Variants in XXYLT1 observed in about 807,000 individuals in gnomAD.
The protein encoded by XXYLT1 is xyloside xylosyltransferase 1.
A neutral mutation model predicts 28.9 loss-of-function variants in XXYLT1; 20 were observed. That is an observed-to-expected ratio of 0.69 (90% CI 0.49 to 1.00). XXYLT1 has a LOEUF of 1.00. Ranked by LOEUF, XXYLT1 falls within the 50% of genes least tolerant of loss-of-function variation. XXYLT1 has a pLI of 0.00. For synonymous variants in XXYLT1, 257 were observed against 253.8 expected, an observed-to-expected ratio of 1.01 and a Z score of -0.12; for missense variants, 542 against 560.1, an observed-to-expected ratio of 0.97 and a Z score of 0.33.
chr3:195,069,581 G>C lies in XXYLT1; in HGVS notation c.*134C>G. On this transcript the variant is annotated 3_prime_UTR_variant, in exon 4 of 4. Coordinates refer to ENST00000310380, the MANE Select transcript of XXYLT1 (RefSeq NM_152531.5). ...CAGCACAGTGACCTGCCCGGCAGGA[G>C]GTCTCAGCACCTTAATCACAGGACT... 1 of 1,325,612 alleles carries C rather than the reference G, an allele frequency of 7.5e-7. No homozygotes were observed. Among genetic ancestry groups the C allele is most frequent in the Admixed American group, 2.3e-5 (1 of 43,984 alleles). 82.1% of individuals were successfully genotyped at this position (1,325,612 alleles called of 1,614,324 possible).
intron 1 of XXYLT1, among the ~76,000 whole-genome samples, chr3:195,234,668 C>CT (rs1724457718): frequency 6.6e-6 from 1 of 152,090 alleles, no homozygotes; most frequent in African/African-American, 2.4e-5. Context: ...CCCTTCAACA[C>CT]TTTAAGTATG....
intron 3 of XXYLT1, among the ~76,000 whole-genome samples, chr3:195,103,863 G>C (rs554294363): frequency 6.6e-6 from 1 of 152,350 alleles, no homozygotes; most frequent in African/African-American, 2.4e-5. Flanking sequence ...GGGGTCATAT[G>C]CTTCTGATTA....
intron 1 of XXYLT1, among the ~76,000 whole-genome samples, chr3:195,259,163 G>C (rs1725587076): frequency 6.6e-6 from 1 of 152,276 alleles, no homozygotes; most frequent in South Asian, 2.1e-4. Flanking sequence ...GCCAGCCTCT[G>C]GGAGACTAGT....
intron 2 of XXYLT1, among the ~76,000 whole-genome samples, chr3:195,167,922 A>G (rs1411995878): frequency 6.6e-6 from 1 of 152,236 alleles, no homozygotes; most frequent in East Asian, 1.9e-4. Flanking sequence ...AAAAATCTCC[A>G]GGATACGGGA....
At chr3:195,165,544 A>T (rs7641950) in intron 2 of XXYLT1, among the ~76,000 whole-genome samples, 3,117 of 152,300 alleles carry the variant, frequency 0.02, 96 homozygotes, top group African/African-American at 0.072. Flanking sequence ...TCTCCACTTT[A>T]TGAGTCCAGA....
At chr3:195,122,075 TCTGGTGA>T in intron 3 of XXYLT1, 1 of 703,022 alleles carries the variant, frequency 1.4e-6, no homozygotes, top group Non-Finnish European at 2.6e-6. Context: ...TGATTCTGTG[TCTGGTGA>T]GGACTCACTG....
At position 195,257,405 on chromosome 3, in the gene XXYLT1, C is replaced by G. The variant is rs1006554890; in HGVS notation, c.504+13150G>C. 4.6e-5 allele frequency among the ~76,000 whole-genome samples: 7 copies of G among 152,232 alleles called. No homozygotes were observed. The highest frequency in any genetic ancestry group is 1.0e-4 in the Non-Finnish European group (7 of 68,034). ...CTCGGCAGGAGCCAGGGGAAAGGGG[C>G]TCACCAGGGTGGAGGTGAGAGGTAG... On this transcript the variant is annotated intron_variant, in intron 1 of 3. Transcript: ENST00000310380. The surrounding 1 kb of genome is among the most constrained non-coding windows in gnomAD (Gnocchi z 4.3).
At chr3:195,169,852 C>CATAT (rs1219186667) in intron 2 of XXYLT1, among the ~76,000 whole-genome samples, 1 of 145,328 alleles carries the variant, frequency 6.9e-6, no homozygotes, top group Non-Finnish European at 1.5e-5. Context: ...TGTGTGTGTA[C>CATAT]ATATATATAT....
At chr3:195,136,004 A>C (rs1431715584) in intron 3 of XXYLT1, among the ~76,000 whole-genome samples, 2 of 152,140 alleles carry the variant, frequency 1.3e-5, no homozygotes, top group Non-Finnish European at 2.9e-5. Flanking sequence ...TTCCACTAAA[A>C]CCTACACCAC....
intron 3 of XXYLT1, among the ~76,000 whole-genome samples, chr3:195,142,785 G>A (rs1022780875): frequency 3.3e-5 from 5 of 152,174 alleles, no homozygotes; most frequent in Non-Finnish European, 7.4e-5. Flanking sequence ...AGGCAGCGCC[G>A]AACAGGGAGG....
intron 2 of XXYLT1, among the ~76,000 whole-genome samples, chr3:195,166,079 C>T (rs555987223): frequency 1.3e-5 from 2 of 152,056 alleles, no homozygotes; most frequent in South Asian, 4.2e-4. Flanking sequence ...TGCTGAGAAT[C>T]CAGGCTCCAA....
At position 195,182,347 on chromosome 3, in the gene XXYLT1, C is replaced by A. The variant is rs6766204; in HGVS notation, c.653-25766G>T. On this transcript the variant is annotated intron_variant, in intron 2 of 3. Transcript: ENST00000310380. ...TGCTGCTGCTGCTGCTATTACCTGA[C>A]GAGGACAACTACATAAAGCAACTTG... Among the ~76,000 whole-genome samples, 5 of 152,122 alleles carry A rather than the reference C, an allele frequency of 3.3e-5. No individual in the cohort carries two copies. In the East Asian group the frequency reaches 7.7e-4, roughly 23 times the overall value.
At chr3:195,110,604 TG>T (rs1378922835) in intron 3 of XXYLT1, among the ~76,000 whole-genome samples, 1 of 95,478 alleles carries the variant, frequency 1.0e-5, no homozygotes, top group Non-Finnish European at 2.2e-5. Flanking sequence ...GTGTGCTGTA[TG>T]TGTGCATGTG....
At position 195,070,086 on chromosome 3, in the gene XXYLT1, C is replaced by T; in HGVS notation, c.811G>A (p.Glu271Lys). The T allele has an allele frequency of 6.3e-7, 1 of 1,578,842 alleles. No individual in the cohort carries two copies. The highest frequency in any genetic ancestry group is 1.1e-5 in the South Asian group (1 of 87,626). Reference sequence around the variant, plus strand: ...CCCCCAACCCGGGTCTGGGGGTTCTCATGGCGGAACTGCCAGAATGTGTGC... The same window carrying T: ...CCCCCAACCCGGGTCTGGGGGTTCTTATGGCGGAACTGCCAGAATGTGTGC... ...YRHTFWQFRHENPQTRVGGPP... is the reference protein window; with the variant it reads ...YRHTFWQFRHKNPQTRVGGPP... Residue 271 changes from glutamate to lysine, a missense_variant, in exon 4 of 4, where the codon GAG (glutamate) becomes AAG (lysine). Glu to Lys is a moderately conservative substitution (Grantham distance 56). Transcript: ENST00000310380.
chr3:195,071,101 G>C (rs1714778874), intron 3 of XXYLT1, among the ~76,000 whole-genome samples: 1 of 152,208 alleles, frequency 6.6e-6, no homozygotes, highest in Admixed American at 6.5e-5. Flanking sequence ...GCAGGTGGAG[G>C]GGAGAGGCGT....
At chr3:195,234,418 A>C (rs1054922639) in intron 1 of XXYLT1, among the ~76,000 whole-genome samples, 17 of 144,960 alleles carry the variant, frequency 1.2e-4, no homozygotes, top group African/African-American at 3.9e-4. Context: ...TCCCAGATTA[A>C]AGCGATTGTC....
Position 195,069,246 on chromosome 3 carries a change from G to GT in XXYLT1, c.*468dup, listed in dbSNP as rs1714661154. The GT allele has an allele frequency of 6.3e-6, 1 of 158,964 alleles. No homozygotes were observed. The highest frequency in any genetic ancestry group is 2.4e-5 in the African/African-American group (1 of 41,522). 9.8% of individuals were successfully genotyped at this position (158,964 alleles called of 1,614,324 possible). Reference sequence around the variant, plus strand: ...GTTTGGAAGCTTAGATACTGGGCTGGTCATTAAAACCTTGGCTTACCTTAC... The same window carrying GT: ...GTTTGGAAGCTTAGATACTGGGCTGGTTCATTAAAACCTTGGCTTACCTTAC... On this transcript the variant is annotated 3_prime_UTR_variant, in exon 4 of 4. Transcript: ENST00000310380.
At chr3:195,155,548 T>TA (rs1553811980) in intron 3 of XXYLT1, among the ~76,000 whole-genome samples, 11 of 151,588 alleles carry the variant, frequency 7.3e-5, no homozygotes, top group Non-Finnish European at 1.0e-4. Context: ...TTTTTTTTTT[T>TA]AATTACAAGA....
intron 3 of XXYLT1, among the ~76,000 whole-genome samples, chr3:195,118,851 G>A (rs76444881): frequency 0.032 from 4,799 of 152,294 alleles, 116 homozygotes; most frequent in Middle Eastern, 0.11. Context: ...GTAAACTTTC[G>A]AAACGTAGTT....
Sources: allele counts gnomAD v4.1 joint callset (sites outside exome capture counted in the v4.1 genomes callset), GRCh38; gene constraint gnomAD v4.1.1; non-coding constraint Gnocchi (gnomAD v3.1); transcripts MANE v1.5; gene names NCBI Gene and HGNC (gene_info 2026-07-23, HGNC 2026-07-21).